The following TRAPPC9 variants were observed in gnomAD, a reference collection of about 807,000 sequenced individuals.
TRAPPC9 encodes the protein IKK2 binding protein.
A neutral mutation model predicts 124.0 loss-of-function variants in TRAPPC9; 83 were observed. The ratio of observed to expected loss-of-function variants is 0.67; its 90% CI spans 0.56 to 0.80. The LOEUF is 0.80. Among genes scored for constraint, TRAPPC9 ranks in the 30% least tolerant of loss-of-function variants. TRAPPC9 has a pLI of 0.00. For synonymous variants in TRAPPC9, 638 were observed against 617.5 expected, an observed-to-expected ratio of 1.03 and a Z score of -0.49; for missense variants, 1,302 against 1,508.3, an observed-to-expected ratio of 0.86 and a Z score of 2.27.
At chr8:140,397,990 TC>T (rs1327966525) in intron 6 of TRAPPC9, among the ~76,000 whole-genome samples, 1 of 152,170 alleles carries the variant, frequency 6.6e-6, no homozygotes, top group Non-Finnish European at 1.5e-5. Context: ...GGGGGTGGTT[TC>T]CCCCATATTG....
At chr8:140,069,167 A>C (rs1330686074) in intron 17 of TRAPPC9, among the ~76,000 whole-genome samples, 1 of 152,240 alleles carries the variant, frequency 6.6e-6, no homozygotes, top group Non-Finnish European at 1.5e-5. Flanking sequence ...GCATAACAGC[A>C]GAATTCAGTA....
chr8:140,212,060 A>G (rs1389369013), intron 17 of TRAPPC9, among the ~76,000 whole-genome samples: 1 of 152,234 alleles, frequency 6.6e-6, no homozygotes, highest in African/African-American at 2.4e-5. Flanking sequence ...GGAGCATGCC[A>G]TGAATGAAAG....
At chr8:140,397,371 C>T (rs188154688) in intron 7 of TRAPPC9, among the ~76,000 whole-genome samples, 14 of 146,588 alleles carry the variant, frequency 9.6e-5, no homozygotes, top group Non-Finnish European at 1.8e-4. Context: ...TGGTAAAACA[C>T]AGTTACTTCT....
intron 2 of TRAPPC9, among the ~76,000 whole-genome samples, chr8:140,440,972 C>CTTTTTTTTTTT (rs60379205): frequency 2.5e-5 from 2 of 80,302 alleles, no homozygotes; most frequent in African/African-American, 1.0e-4. Context: ...AACACTGTTA[C>CTTTTTTTTTTT]TTTTTTTTTT....
rs550547481 is a variant in TRAPPC9, at chr8:140,010,951, TGAG to T, written c.2699+12983_2699+12985del. Among the ~76,000 whole-genome samples the T allele has an allele frequency of 2.9e-3, 447 of 152,270 alleles. 4 individuals are homozygous for T. Among genetic ancestry groups the T allele is most frequent in the African/African-American group, 0.01 (429 of 41,546 alleles). ...GAAGGGCACATGATCTGTAAACAAA[TGAG>T]GAGACCTAGATTTACTGATGTGGAA... On this transcript the variant is annotated intron_variant, in intron 18 of 22. Coordinates refer to ENST00000438773, the MANE Select transcript of TRAPPC9 (RefSeq NM_001160372.4).
chr8:140,457,112 G>A (rs893349328), intron 1 of TRAPPC9, among the ~76,000 whole-genome samples: 1 of 152,238 alleles, frequency 6.6e-6, no homozygotes, highest in Admixed American at 6.5e-5. Flanking sequence ...AGGGCTAGGG[G>A]AGAAGTCCGG....
At chr8:140,029,642 AT>A (rs1840381024) in intron 17 of TRAPPC9, among the ~76,000 whole-genome samples, 1 of 53,520 alleles carries the variant, frequency 1.9e-5, no homozygotes, top group South Asian at 1.1e-3. Flanking sequence ...AAAATTAAAA[AT>A]ATATATATAT....
chr8:140,223,721 T>C (rs1284991662), intron 16 of TRAPPC9, among the ~76,000 whole-genome samples: 2 of 150,686 alleles, frequency 1.3e-5, no homozygotes, highest in Non-Finnish European at 2.9e-5. Flanking sequence ...TAACCAAGCA[T>C]AATAGAAATA....
chr8:140,097,270 A>G lies in TRAPPC9; in HGVS notation c.2557-73191T>C, dbSNP rs780391803. The G allele has an allele frequency of 1.3e-5, 2 of 152,530 alleles. No homozygotes were observed. Among genetic ancestry groups the G allele is most frequent in the Non-Finnish European group, 2.9e-5 (2 of 68,306 alleles). 9.4% of individuals were successfully genotyped at this position (152,530 alleles called of 1,614,324 possible). On this transcript the variant is annotated intron_variant, in intron 17 of 22. Transcript: ENST00000438773. This position sits in a 1 kb window ranked among gnomAD's most constrained non-coding sequence, Gnocchi z 4.2. ...CACACCCCATCCCCACCAGGTCCTG[A>G]GTGCACAGCCGCAACAGTAACACGG...
At position 140,376,688 on chromosome 8, in the gene TRAPPC9, C is replaced by T. The variant is rs547267722; in HGVS notation, c.1135-5508G>A. ...GTCAGGAGTTCGAGACCAGCCTGGC[C>T]AACATAGTGAAACCCCATCTCAACT... On this transcript the variant is annotated intron_variant, in intron 7 of 22. Transcript: ENST00000438773. 7.9e-5 allele frequency among the ~76,000 whole-genome samples: 12 copies of T among 151,374 alleles called. No homozygotes were observed. The South Asian group carries it at 2.5e-3, about 32-fold the overall frequency.
At position 140,101,868 on chromosome 8, in the gene TRAPPC9, C is replaced by CTT. The variant is rs113276860; in HGVS notation, c.2557-77791_2557-77790dup. Among the ~76,000 whole-genome samples, 16 of 145,772 alleles carry CTT rather than the reference C, an allele frequency of 1.1e-4. 1 individual carries two copies. The highest frequency in any genetic ancestry group is 6.5e-4 in the South Asian group (3 of 4,622). On this transcript the variant is annotated intron_variant, in intron 17 of 22. Coordinates refer to ENST00000438773, the MANE Select transcript of TRAPPC9 (RefSeq NM_001160372.4). Reference sequence around the variant, plus strand: ...TTTTTTGTTTATTTTTTGTTTTTTCCTTTTTTTTTTTCTTTTTGGTAAATT... The same window carrying CTT: ...TTTTTTGTTTATTTTTTGTTTTTTCCTTTTTTTTTTTTTCTTTTTGGTAAATT...
intron 21 of TRAPPC9, among the ~76,000 whole-genome samples, chr8:139,858,829 G>T (rs377292097): frequency 2.0e-5 from 3 of 150,692 alleles, no homozygotes; most frequent in African/African-American, 7.4e-5. Context: ...AATCCGGGGG[G>T]GGCACAGTCT....
At chr8:139,915,091 C>A (rs1453035397) in intron 19 of TRAPPC9, among the ~76,000 whole-genome samples, 1 of 152,234 alleles carries the variant, frequency 6.6e-6, no homozygotes, top group Admixed American at 6.5e-5. Flanking sequence ...ACGGCGAAGG[C>A]ACCTGCCTCG....
At chr8:140,208,295 G>T (rs1354062982) in intron 17 of TRAPPC9, among the ~76,000 whole-genome samples, 1 of 152,210 alleles carries the variant, frequency 6.6e-6, no homozygotes, top group African/African-American at 2.4e-5. Context: ...CACACCGGAA[G>T]TGTCCGTAAG....
intron 9 of TRAPPC9, among the ~76,000 whole-genome samples, chr8:140,330,184 A>G (rs1588161073): frequency 6.6e-6 from 1 of 151,942 alleles, no homozygotes; most frequent in South Asian, 2.1e-4. Context: ...ATATCCTGAA[A>G]CTGCCACTCC....
chr8:140,306,212 G>A (rs1234190429), intron 10 of TRAPPC9, among the ~76,000 whole-genome samples: 2 of 152,164 alleles, frequency 1.3e-5, no homozygotes, highest in African/African-American at 4.8e-5. Flanking sequence ...AAGAATTATG[G>A]AGACCAGGCG....
intron 21 of TRAPPC9, among the ~76,000 whole-genome samples, chr8:139,836,605 C>A (rs923203056): frequency 6.6e-6 from 1 of 152,210 alleles, no homozygotes; most frequent in Admixed American, 6.5e-5. Context: ...TGAAAACTCA[C>A]ACGATTCATC....
chr8:139,992,729 T>C (rs1837722128), intron 18 of TRAPPC9, among the ~76,000 whole-genome samples: 1 of 149,678 alleles, frequency 6.7e-6, no homozygotes, highest in African/African-American at 2.5e-5. Flanking sequence ...AATACATTAG[T>C]GAAAGAAAAG....
At chr8:140,404,778 G>A (rs2069417905) in intron 6 of TRAPPC9, among the ~76,000 whole-genome samples, 1 of 151,866 alleles carries the variant, frequency 6.6e-6, no homozygotes, top group South Asian at 2.1e-4. Context: ...GTGCGTGTGT[G>A]AGCATGCTTG....
Sources: allele counts gnomAD v4.1 joint callset (sites outside exome capture counted in the v4.1 genomes callset), GRCh38; gene constraint gnomAD v4.1.1; non-coding constraint Gnocchi (gnomAD v3.1); transcripts MANE v1.5; gene names NCBI Gene and HGNC (gene_info 2026-07-23, HGNC 2026-07-21).